Variants in MAGEB2 observed in about 807,000 individuals in gnomAD.
The protein encoded by MAGEB2 is MAGE family member B2.
For synonymous variants in MAGEB2, 107 were observed against 96.2 expected (o/e 1.11, Z -0.66); for missense variants, 365 against 243.2 (o/e 1.50, Z -3.33).
At chrX:30,216,995 A>G (rs1204927802) in intron 1 of MAGEB2, among the ~76,000 whole-genome samples, 1 of 109,686 alleles carries the variant, frequency 9.1e-6, no homozygotes, top group Admixed American at 9.7e-5. Flanking sequence ...CCCACCCCAT[A>G]TTAGTGGGAG....
Position 30,219,086 on chromosome X carries a change from A to G in MAGEB2, c.506A>G (p.Asn169Ser), listed in dbSNP as rs759337831. 2 of 1,210,659 alleles carry G rather than the reference A, an allele frequency of 1.7e-6. No homozygotes were observed. Among genetic ancestry groups the G allele is most frequent in the South Asian group, 3.5e-5 (2 of 56,653 alleles). ...GLSVVFGLELNKVNPNGHTYT... is the reference protein window; with the variant it reads ...GLSVVFGLELSKVNPNGHTYT... Reference sequence around the variant, plus strand: ...AGTGTTGTCTTTGGCCTTGAGCTGAATAAAGTCAACCCCAACGGCCACACT... The same window carrying G: ...AGTGTTGTCTTTGGCCTTGAGCTGAGTAAAGTCAACCCCAACGGCCACACT... Residue 169 changes from asparagine to serine, a missense_variant, in exon 2 of 2, where the codon AAT becomes AGT. Physicochemically the swap from Asn to Ser is conservative, Grantham distance 46. Transcript: ENST00000378988.
At chrX:30,218,430 T>A (rs1207553686) in intron 1 of MAGEB2, 146 bp from the exon 2 acceptor site, 2 of 817,486 alleles carry the variant, frequency 2.4e-6, no homozygotes, top group Non-Finnish European at 3.4e-6. Flanking sequence ...TCTAGAACAG[T>A]GCCTTCAGGG....
chrX:30,219,311 C>A lies in MAGEB2; in HGVS notation c.731C>A (p.Pro244His). Residue 244 changes from proline to histidine, a missense_variant, in exon 2 of 2, where the codon CCC becomes CAC. By Grantham distance (77) the Pro-to-His change is moderately conservative. Coordinates refer to ENST00000378988, the MANE Select transcript of MAGEB2 (RefSeq NM_002364.5). The stretch of plus-strand genomic sequence containing the variant: ...GAGGAGCACTCAGTCTTTGGGGAAC[C>A]CTGGAAGCTCATCACCAAAGATCTG... ...DGEEHSVFGE[P>H]WKLITKDLVQ... The A allele has an allele frequency of 8.3e-7, 1 of 1,211,196 alleles. No homozygotes were observed. Among genetic ancestry groups the A allele is most frequent in the Non-Finnish European group, 1.1e-6 (1 of 895,106 alleles).
At position 30,218,886 on chromosome X, in the gene MAGEB2, C is replaced by T. The variant is rs2074793; in HGVS notation, c.306C>T (p.Ser102=). The change falls in exon 2 of 2, where the codon TCC becomes TCT. Residue 102 remains serine (S), a synonymous_variant. Coordinates refer to ENST00000378988, the MANE Select transcript of MAGEB2 (RefSeq NM_002364.5). Reference sequence around the variant, plus strand: ...CAAGTTCCTCCCAGGCCTCAACATCCACTAAGAGCCCAAGCGAAGATCCTC... The same window carrying T: ...CAAGTTCCTCCCAGGCCTCAACATCTACTAAGAGCCCAAGCGAAGATCCTC... ...KNASSSQAST[S]TKSPSEDPLT... 0.38 allele frequency: 459,600 copies of T among 1,205,288 alleles called. 63,664 individuals carry two copies. Among genetic ancestry groups the T allele is most frequent in the African/African-American group, 0.55 (31,083 of 56,973 alleles).
rs139272287 is a variant in MAGEB2, at chrX:30,218,973, C to T, written c.393C>T (p.Ser131=). Residue 131 remains serine (S), a synonymous_variant, in exon 2 of 2, where the codon TCC becomes TCT. Coordinates refer to ENST00000378988, the MANE Select transcript of MAGEB2 (RefSeq NM_002364.5). ...TGTACAAGTATAAAATAAAAAAGTC[C>T]GTTACAAAGGGAGAAATGCTGAAAA... The part of the protein sequence containing the change: ...FLLYKYKIKK[S]VTKGEMLKIV... 183 of 1,208,666 alleles carry T rather than the reference C, an allele frequency of 1.5e-4. No homozygotes were observed. The African/African-American group carries it at 2.4e-3, about 16-fold the overall frequency.
chrX:30,217,142 A>C (rs1385897659), intron 1 of MAGEB2, among the ~76,000 whole-genome samples: 1 of 111,774 alleles, frequency 8.9e-6, no homozygotes, highest in African/African-American at 3.3e-5. Flanking sequence ...TGTCAACAGA[A>C]GTAATGTACT....
In MAGEB2 at chrX:30,218,957, A is replaced by G. The variant is rs1924482531; in HGVS notation, c.377A>G (p.Tyr126Cys). ...GSLVQFLLYK[Y>C]KIKKSVTKGE... ...TTGGTGCAGTTCCTGTTGTACAAGT[A>G]TAAAATAAAAAAGTCCGTTACAAAG... The change falls in exon 2 of 2, where the codon TAT (tyrosine) becomes TGT (cysteine). Residue 126 changes from tyrosine (Y) to cysteine (C), a missense_variant. Physicochemically the swap from Tyr to Cys is radical, Grantham distance 194 (BLOSUM62 -2). Coordinates refer to ENST00000378988, the MANE Select transcript of MAGEB2 (RefSeq NM_002364.5). 5 of 1,210,505 alleles carry G rather than the reference A, an allele frequency of 4.1e-6. No homozygotes were observed. The highest frequency in any genetic ancestry group is 5.6e-6 in the Non-Finnish European group (5 of 894,743).
rs914857676 is a variant in MAGEB2 at position 30,219,791 on chromosome X, C to T, written c.*251C>T. 4.9e-5 allele frequency: 13 copies of T among 264,347 alleles called. No homozygotes were observed. Among genetic ancestry groups the T allele is most frequent in the African/African-American group, 3.6e-4 (13 of 35,783 alleles). The allele number at this position is 264,347 out of a possible 1,213,427, so 21.8% of individuals were successfully genotyped here. A position where few individuals can be genotyped will look rare whatever the true frequency, so the allele number is the denominator to read the frequency against. ...AAATTTACAAATGATATAGATCACC[C>T]TGTTATTGCTGTTTTTCAGGGACAG... On this transcript the variant is annotated 3_prime_UTR_variant, in exon 2 of 2. Transcript: ENST00000378988.
At chrX:30,215,833 A>C (rs979993319) in intron 1 of MAGEB2, among the ~76,000 whole-genome samples, 178 bp downstream of exon 1, 3 of 109,716 alleles carry the variant, frequency 2.7e-5, no homozygotes, top group African/African-American at 6.6e-5. Flanking sequence ...CGGGGGAAGG[A>C]GGTTTGGACG....
In MAGEB2 at chrX:30,219,370, C is replaced by G. The variant is rs767384723; in HGVS notation, c.790C>G (p.Pro264Ala). 1 of 1,211,842 alleles carries G rather than the reference C, an allele frequency of 8.3e-7. No individual in the cohort carries two copies. The highest frequency in any genetic ancestry group is 2.2e-5 in the Admixed American group (1 of 46,083). ...AAAATATCTGGAGTACAAGCAGGTGCCCAGCAGTGATCCCCCACGCTTTCA... is the reference window on the plus strand; with the variant it reads ...AAAATATCTGGAGTACAAGCAGGTGGCCAGCAGTGATCCCCCACGCTTTCA... ...QEKYLEYKQV[P>A]SSDPPRFQFL... is the part of the protein sequence containing the mutation. The change falls in exon 2 of 2, where the codon CCC becomes GCC. Residue 264 changes from proline (P) to alanine (A), a missense_variant. Transcript: ENST00000378988.
chrX:30,219,765 T>TA lies in MAGEB2; in HGVS notation c.*228dup, dbSNP rs769156703. The TA allele has an allele frequency of 6.3e-6, 2 of 318,447 alleles. No individual in the cohort carries two copies. Among genetic ancestry groups the TA allele is most frequent in the African/African-American group, 5.3e-5 (2 of 37,863 alleles). The allele number at this position is 318,447 out of a possible 1,213,427, so 26.2% of individuals were successfully genotyped here. On this transcript the variant is annotated 3_prime_UTR_variant, in exon 2 of 2. Coordinates refer to ENST00000378988, the MANE Select transcript of MAGEB2 (RefSeq NM_002364.5). Reference sequence around the variant, plus strand: ...AACAGGTTTATTTAGATTCAGAATGTAAATTTACAAATGATATAGATCACC... The same window carrying TA: ...AACAGGTTTATTTAGATTCAGAATGTAAAATTTACAAATGATATAGATCACC...
In MAGEB2 at chrX:30,219,625, T is replaced by G. The variant is rs1234720942; in HGVS notation, c.*85T>G. ...GTTTACCTGCTGTTCTCACCCCCAA[T>G]GAGGTCTTAGGCAGATTCTTTACTT... is the stretch of plus-strand genomic sequence containing the variant. On this transcript the variant is annotated 3_prime_UTR_variant, in exon 2 of 2. Coordinates refer to ENST00000378988, the MANE Select transcript of MAGEB2 (RefSeq NM_002364.5). The G allele has an allele frequency of 3.4e-6, 3 of 887,353 alleles. No homozygotes were observed. Among genetic ancestry groups the G allele is most frequent in the Admixed American group, 6.3e-5 (2 of 31,932 alleles). 73.1% of individuals were successfully genotyped at this position (887,353 alleles called of 1,213,427 possible). A position where few individuals can be genotyped will look rare whatever the true frequency, so the allele number is the denominator to read the frequency against.
At position 30,219,411 on chromosome X, in the gene MAGEB2, G is replaced by A. The variant is rs760918442; in HGVS notation, c.831G>A (p.Pro277=). The A allele has an allele frequency of 5.1e-5, 62 of 1,210,077 alleles. No individual in the cohort carries two copies. Among genetic ancestry groups the A allele is most frequent in the East Asian group, 8.9e-5 (3 of 33,795 alleles). ...CACGCTTTCAATTCCTGTGGGGTCC[G>A]AGAGCCTATGCTGAAACCAGCAAGA... ...DPPRFQFLWG[P]RAYAETSKMK... The change falls in exon 2 of 2, where the codon CCG becomes CCA. Residue 277 remains proline, a synonymous_variant. Transcript: ENST00000378988.
chrX:30,218,657 A>G lies in MAGEB2; in HGVS notation c.77A>G (p.Asn26Ser), dbSNP rs139121250. The G allele has an allele frequency of 4.8e-4, 585 of 1,208,927 alleles. No homozygotes were observed. The highest frequency in any genetic ancestry group is 1.7e-3 in the African/African-American group (97 of 57,330). Residue 26 changes from asparagine to serine, a missense_variant, in exon 2 of 2, where the codon AAT (asparagine) becomes AGT (serine). Asn to Ser is a conservative substitution (Grantham distance 46). Coordinates refer to ENST00000378988, the MANE Select transcript of MAGEB2 (RefSeq NM_002364.5). ...GCCCGAGATGAGACCCGGGGTCTCA[A>G]TGTTCCTCAGGTCACTGAAGCAGAG... ...RKARDETRGLNVPQVTEAEEE... is the reference protein window; with the variant it reads ...RKARDETRGLSVPQVTEAEEE...
At position 30,218,448 on chromosome X, in the gene MAGEB2, C is replaced by T; in HGVS notation, c.-5-128C>T. ...AGAACAGTGCCTTCAGGGAAACTTGCAAAGGCAGGCTTCCTTCAGTAAAGC... is the reference window on the plus strand; with the variant it reads ...AGAACAGTGCCTTCAGGGAAACTTGTAAAGGCAGGCTTCCTTCAGTAAAGC... On this transcript the variant is annotated intron_variant, in intron 1 of 1. Coordinates refer to ENST00000378988, the MANE Select transcript of MAGEB2 (RefSeq NM_002364.5). 3.1e-6 allele frequency: 3 copies of T among 976,419 alleles called. No individual in the cohort carries two copies. In the South Asian group the frequency reaches 8.5e-5, roughly 28 times the overall value. 80.5% of individuals were successfully genotyped at this position (976,419 alleles called of 1,213,427 possible). A position where few individuals can be genotyped will look rare whatever the true frequency, so the allele number is the denominator to read the frequency against.
chrX:30,215,752 G>A (rs1401275233), intron 1 of MAGEB2, 97 bp downstream of exon 1: 1 of 103,461 alleles, frequency 9.7e-6, no homozygotes, highest in Non-Finnish European at 2.0e-5. Flanking sequence ...GAGAGGCTCC[G>A]GTAAAGCCGT....
In MAGEB2 at chrX:30,219,235, A is replaced by G. The variant is rs755372967; in HGVS notation, c.655A>G (p.Thr219Ala). Reference protein sequence around the residue: ...GVIFLNGNSATEEEIWEFLNM... With the variant: ...GVIFLNGNSAAEEEIWEFLNM... Reference sequence around the variant, plus strand: ...GATCTTCTTAAATGGCAACTCAGCTACTGAGGAAGAGATCTGGGAATTCCT... The same window carrying G: ...GATCTTCTTAAATGGCAACTCAGCTGCTGAGGAAGAGATCTGGGAATTCCT... The change falls in exon 2 of 2, where the codon ACT (threonine) becomes GCT (alanine). Residue 219 changes from threonine (T) to alanine (A), a missense_variant. By Grantham distance (58) the Thr-to-Ala change is moderately conservative. Transcript: ENST00000378988. 2.5e-6 allele frequency: 3 copies of G among 1,211,117 alleles called. No homozygotes were observed. The highest frequency in any genetic ancestry group is 1.7e-5 in the African/African-American group (1 of 57,764).
chrX:30,219,015 C>G lies in MAGEB2; in HGVS notation c.435C>G (p.Phe145Leu). The G allele has an allele frequency of 8.3e-7, 1 of 1,210,798 alleles. No homozygotes were observed. The highest frequency in any genetic ancestry group is 1.1e-6 in the Non-Finnish European group (1 of 895,057). ...TGCTGAAAATTGTTGGCAAAAGGTT[C>G]AGGGAGCACTTCCCTGAGATCCTCA... ...GEMLKIVGKR[F>L]REHFPEILKK... The change falls in exon 2 of 2, where the codon TTC (phenylalanine) becomes TTG (leucine). Residue 145 changes from phenylalanine (F) to leucine (L), a missense_variant. Transcript: ENST00000378988.
In MAGEB2 at chrX:30,215,605, G is replaced by A. The variant is rs1924373908; in HGVS notation, c.-56G>A. On this transcript the variant is annotated 5_prime_UTR_variant, in exon 1 of 2. Transcript: ENST00000378988. ...GAGGACCCGAGCGAGTGTAGGGGGT[G>A]CGGCGTCTGGTCAGCCAGGGGTGAA... 1 of 110,933 alleles carries A rather than the reference G, an allele frequency of 9.0e-6. No individual in the cohort carries two copies. Among genetic ancestry groups the A allele is most frequent in the South Asian group, 3.9e-4 (1 of 2,532 alleles). The allele number at this position is 110,933 out of a possible 1,213,427, so 9.1% of individuals were successfully genotyped here. A position where few individuals can be genotyped will look rare whatever the true frequency, so the allele number is the denominator to read the frequency against.
Sources: gnomAD v4.1 joint callset for allele counts (sites outside exome capture counted in the v4.1 genomes callset) on GRCh38, gnomAD v4.1.1 for gene constraint, MANE v1.5 for transcripts, NCBI Gene and HGNC (gene_info 2026-07-23, HGNC 2026-07-21) for gene names.